Variants in MTG1 observed in about 807,000 individuals in gnomAD.
The protein encoded by MTG1 is mitochondrial ribosome-associated GTPase 1.
MTG1 carries 30 observed loss-of-function variants against 39.5 expected under a neutral mutation model. That is an observed-to-expected ratio of 0.76 (90% CI 0.57 to 1.03). MTG1 has a LOEUF of 1.03. Ranked by LOEUF, MTG1 falls within the 50% of genes least tolerant of loss-of-function variation. The pLI is 0.00. For missense variants in MTG1, 513 were observed against 447.4 expected (o/e 1.15, Z -1.32); for synonymous variants, 217 against 179.0 (o/e 1.21, Z -1.69).
At chr10:133,415,126 G>C (rs1850103020) in intron 9 of MTG1, among the ~76,000 whole-genome samples, 1 of 152,028 alleles carries the variant, frequency 6.6e-6, no homozygotes, top group South Asian at 2.1e-4. Flanking sequence ...GTACAGTCCA[G>C]CTTCGGCTCG....
Position 133,402,729 on chromosome 10 carries a change from G to T in MTG1, c.708G>T (p.Met236Ile). Reference sequence around the variant, plus strand: ...ACCACCTGGTCGGGGAGGAGACCATGGCTGACTACCTGCTGTACACCCTCA... The same window carrying T: ...ACCACCTGGTCGGGGAGGAGACCATTGCTGACTACCTGCTGTACACCCTCA... ...VLDHLVGEETMADYLLYTLNK... is the reference protein window; with the variant it reads ...VLDHLVGEETIADYLLYTLNK... The change falls in exon 9 of 11, where the codon ATG becomes ATT. Residue 236 changes from methionine to isoleucine, a missense_variant. Physicochemically the swap from Met to Ile is conservative, Grantham distance 10. Coordinates refer to ENST00000317502, the MANE Select transcript of MTG1 (RefSeq NM_138384.4). The surrounding 1 kb of genome is among the most constrained non-coding windows in gnomAD (Gnocchi z 4.7). The T allele has an allele frequency of 6.2e-7, 1 of 1,608,812 alleles. No individual in the cohort carries two copies. Among genetic ancestry groups the T allele is most frequent in the South Asian group, 1.1e-5 (1 of 89,500 alleles).
chr10:133,417,580 A>G (rs1177948936), intron 9 of MTG1, among the ~76,000 whole-genome samples: 22 of 151,640 alleles, frequency 1.5e-4, no homozygotes, highest in Non-Finnish European at 2.2e-4. Flanking sequence ...AAAAGAGGAA[A>G]TCAAATTGTC....
chr10:133,401,369 T>C (rs928305298), intron 6 of MTG1, 160 bp from the exon 7 acceptor site: 6 of 551,210 alleles, frequency 1.1e-5, no homozygotes, highest in East Asian at 3.2e-5. Flanking sequence ...TGGCCAGATA[T>C]GTTTGTTACA....
chr10:133,410,489 C>T (rs542510611), intron 9 of MTG1, among the ~76,000 whole-genome samples: 13 of 152,238 alleles, frequency 8.5e-5, no homozygotes, highest in South Asian at 8.3e-4. Context: ...TGTCTTCCTT[C>T]GCATGTGGTT....
chr10:133,400,213 GA>G (rs551438086), intron 6 of MTG1, among the ~76,000 whole-genome samples: 16 of 152,014 alleles, frequency 1.1e-4, no homozygotes, highest in African/African-American at 3.9e-4. Context: ...GAAAAGAAAA[GA>G]AAAAAAATCC....
intron 9 of MTG1, among the ~76,000 whole-genome samples, chr10:133,408,308 T>G (rs1849997051): frequency 6.6e-6 from 1 of 152,268 alleles, no homozygotes; most frequent in Non-Finnish European, 1.5e-5. Context: ...TTTTCAGCAT[T>G]TGTTGAAATG....
chr10:133,394,693 C>G (rs1041062455), intron 1 of MTG1: 1 of 1,093,196 alleles, frequency 9.1e-7, no homozygotes, highest in African/African-American at 1.7e-5. Flanking sequence ...ACAAGATAGA[C>G]TTTTCTGAGT....
intron 3 of MTG1, among the ~76,000 whole-genome samples, chr10:133,397,539 C>T (rs544673958): frequency 1.0e-4 from 15 of 150,460 alleles, no homozygotes; most frequent in Non-Finnish European, 2.1e-4. Context: ...AGTGCAGTGG[C>T]GCAATCTTGA....
intron 9 of MTG1, among the ~76,000 whole-genome samples, chr10:133,405,360 G>A (rs753921437): frequency 5.9e-5 from 9 of 152,312 alleles, no homozygotes; most frequent in Non-Finnish European, 1.3e-4. Context: ...GGGTAATTGG[G>A]ATATCCATCA....
At chr10:133,400,188 T>C (rs1849853362) in intron 6 of MTG1, among the ~76,000 whole-genome samples, 1 of 150,902 alleles carries the variant, frequency 6.6e-6, no homozygotes, top group African/African-American at 2.4e-5. Flanking sequence ...CGAGACTCCG[T>C]CTCAAAAAAA....
In MTG1 at chr10:133,402,163, C is replaced by T. The variant is rs144012069; in HGVS notation, c.588C>T (p.Pro196=). 7.1e-3 allele frequency: 11,431 copies of T among 1,614,036 alleles called. 97 individuals carry two copies. The highest frequency in any genetic ancestry group is 0.016 in the South Asian group (1,489 of 91,084). ...VMSKIQVSER[P]LMFLLDTPGV... ...TGCCCACACAGGTCTCTGAGCGGCC[C>T]CTGATGTTCCTGTTGGACACTCCTG... The change falls in exon 8 of 11, where the codon CCC becomes CCT. Residue 196 remains proline (P), a synonymous_variant. Coordinates refer to ENST00000317502, the MANE Select transcript of MTG1 (RefSeq NM_138384.4). This position sits in a 1 kb window ranked among gnomAD's most constrained non-coding sequence, Gnocchi z 4.7.
At chr10:133,408,983 T>G (rs931440986) in intron 9 of MTG1, among the ~76,000 whole-genome samples, 1 of 152,164 alleles carries the variant, frequency 6.6e-6, no homozygotes, top group Non-Finnish European at 1.5e-5. Flanking sequence ...TTTGAAATAA[T>G]TTTTTGTTTC....
intron 3 of MTG1, 135 bp from the exon 4 acceptor site, chr10:133,398,300 T>C (rs1218226024): frequency 1.8e-5 from 14 of 769,894 alleles, no homozygotes; most frequent in Middle Eastern, 5.9e-4. Flanking sequence ...CTTGGGAGGC[T>C]GAGGCATGAG....
chr10:133,394,484 C>T, intron 1 of MTG1, 152 bp downstream of exon 1: 1 of 1,338,366 alleles, frequency 7.5e-7, no homozygotes, highest in South Asian at 1.8e-5. Flanking sequence ...CCCGCTCTCA[C>T]CCGCTCCCGG....
chr10:133,402,448 A>C lies in MTG1; in HGVS notation c.670+203A>C, dbSNP rs551870615. On this transcript the variant is annotated intron_variant, in intron 8 of 10. Transcript: ENST00000317502. The surrounding 1 kb of genome is among the most constrained non-coding windows in gnomAD (Gnocchi z 4.7). The stretch of plus-strand genomic sequence containing the variant: ...ACTGGTCACCATTCCACCCTGCCCC[A>C]TGAGTGGCCTTCCCTTTCCCCATTT... The C allele has an allele frequency of 4.3e-6, 3 of 702,228 alleles. No individual in the cohort carries two copies. The South Asian group carries it at 5.3e-5, about 12-fold the overall frequency. The allele number at this position is 702,228 out of a possible 1,614,324, so 43.5% of individuals were successfully genotyped here.
intron 9 of MTG1, among the ~76,000 whole-genome samples, chr10:133,419,194 C>T: frequency 6.6e-6 from 1 of 152,224 alleles, no homozygotes; most frequent in East Asian, 1.9e-4. Context: ...GCTGTTACTC[C>T]TCCCGCTGCG....
chr10:133,402,826 T>TA lies in MTG1; in HGVS notation c.752+53_752+54insA. On this transcript the variant is annotated intron_variant, in intron 9 of 10. Coordinates refer to ENST00000317502, the MANE Select transcript of MTG1 (RefSeq NM_138384.4). This position sits in a 1 kb window ranked among gnomAD's most constrained non-coding sequence, Gnocchi z 4.7. Reference sequence around the variant, plus strand: ...GGGCCCCTCCTCCTAGTCACCTCATTTAAAAAAAAAAAACAAACAAAAAAA... The same window carrying TA: ...GGGCCCCTCCTCCTAGTCACCTCATTATAAAAAAAAAAAACAAACAAAAAAA... 3.0e-6 allele frequency: 4 copies of TA among 1,327,554 alleles called. No individual in the cohort carries two copies. Among genetic ancestry groups the TA allele is most frequent in the South Asian group, 1.3e-5 (1 of 74,392 alleles). The allele number at this position is 1,327,554 out of a possible 1,614,324, so 82.2% of individuals were successfully genotyped here. A position where few individuals can be genotyped will look rare whatever the true frequency, so the allele number is the denominator to read the frequency against.
rs1201292437 is a variant in MTG1 at position 133,420,362 on chromosome 10, G to A, written c.*197G>A. 3.6e-6 allele frequency: 2 copies of A among 561,200 alleles called. No homozygotes were observed. Among genetic ancestry groups the A allele is most frequent in the Non-Finnish European group, 5.9e-6 (2 of 337,644 alleles). The allele number at this position is 561,200 out of a possible 1,614,324, so 34.8% of individuals were successfully genotyped here. ...CCAAGCAGGTGGGAGTGGACACCAG[G>A]CTTCCCAGTGGACGTCCCTGAGCAG... On this transcript the variant is annotated 3_prime_UTR_variant, in exon 11 of 11. Coordinates refer to ENST00000317502, the MANE Select transcript of MTG1 (RefSeq NM_138384.4).
intron 10 of MTG1, among the ~76,000 whole-genome samples, 184 bp from the exon 11 acceptor site, chr10:133,419,842 C>T (rs534083770): frequency 1.6e-4 from 25 of 152,330 alleles, no homozygotes; most frequent in Admixed American, 2.6e-4. Context: ...GCAGGCCTCA[C>T]ATGCCTGGCC....
Sources: allele counts gnomAD v4.1 joint callset (sites outside exome capture counted in the v4.1 genomes callset), GRCh38; gene constraint gnomAD v4.1.1; non-coding constraint Gnocchi (gnomAD v3.1); transcripts MANE v1.5; gene names NCBI Gene and HGNC (gene_info 2026-07-23, HGNC 2026-07-21).